The following MKS1 variants were observed in gnomAD, a reference collection of about 807,000 sequenced individuals.
MKS1 encodes the protein MKS transition zone complex subunit 1.
Under a neutral mutation model 83.7 loss-of-function variants are expected in MKS1, and 70 were observed. That is an observed-to-expected ratio of 0.84 (90% confidence interval 0.69 to 1.02). MKS1 has a LOEUF of 1.02. MKS1 is among the 50% of genes least tolerant of loss of function. MKS1 has a pLI of 0.00. For synonymous variants in MKS1, 251 were observed against 273.4 expected, an observed-to-expected ratio of 0.92 and a Z score of 0.81; for missense variants, 681 against 726.9, an observed-to-expected ratio of 0.94 and a Z score of 0.73.
chr17:58,215,831 C>A, intron 4 of MKS1: 1 of 485,186 alleles, frequency 2.1e-6, no homozygotes, highest in Non-Finnish European at 3.8e-6. Context: ...AGTATGCACT[C>A]TGCAAGCATA....
chr17:58,212,506 G>A, intron 8 of MKS1, 72 bp from the exon 9 acceptor site: 1 of 1,523,778 alleles, frequency 6.6e-7, no homozygotes, highest in Non-Finnish European at 9.1e-7. Flanking sequence ...TGAATGGGAA[G>A]AAGAAAAGCA....
Position 58,214,423 on chromosome 17 carries a change from C to T in MKS1, c.516-36G>A, listed in dbSNP as rs1166209149. Reference sequence around the variant, plus strand: ...CCACAGAAAGGTCACTTCCCTGGCACACCCCAATGGAGCACCCCAGTGGAG... The same window carrying T: ...CCACAGAAAGGTCACTTCCCTGGCATACCCCAATGGAGCACCCCAGTGGAG... On this transcript the variant is annotated intron_variant, in intron 5 of 17. Coordinates refer to ENST00000393119, the MANE Select transcript of MKS1 (RefSeq NM_017777.4). 5 of 1,612,116 alleles carry T rather than the reference C, an allele frequency of 3.1e-6. No individual in the cohort carries two copies. In the Admixed American group the frequency reaches 5.0e-5, roughly 16 times the overall value.
intron 15 of MKS1, 87 bp downstream of exon 15, chr17:58,206,997 CT>C (rs1288359238): frequency 6.4e-7 from 1 of 1,572,106 alleles, no homozygotes; most frequent in Non-Finnish European, 8.8e-7. Context: ...CAATGCACAA[CT>C]AAGGGGTCTT....
At chr17:58,212,490 C>A in intron 8 of MKS1, 56 bp from the exon 9 acceptor site, 2 of 1,578,564 alleles carry the variant, frequency 1.3e-6, no homozygotes, top group South Asian at 2.2e-5. Flanking sequence ...GACCAAAGTT[C>A]AGTTCTGAAT....
chr17:58,208,201 G>A (rs1567796944), intron 12 of MKS1, 27 bp from the exon 13 acceptor site: 2 of 1,563,492 alleles, frequency 1.3e-6, no homozygotes, highest in Admixed American at 1.7e-5. Context: ...CATAGGGTGG[G>A]CAAGGCCTCC....
Position 58,216,543 on chromosome 17 carries a change from C to T in MKS1, c.261+123G>A, listed in dbSNP as rs568246105. The stretch of plus-strand genomic sequence containing the variant: ...TCCCTATGTTACAATGCCCTTTAAA[C>T]ACAACAGGGGAAAGTATAAACTGTT... On this transcript the variant is annotated intron_variant, in intron 3 of 17. Coordinates refer to ENST00000393119, the MANE Select transcript of MKS1 (RefSeq NM_017777.4). 1.4e-4 allele frequency: 159 copies of T among 1,150,854 alleles called. No homozygotes were observed. In the African/African-American group the frequency reaches 2.2e-3, roughly 16 times the overall value. The allele number at this position is 1,150,854 out of a possible 1,614,324, so 71.3% of individuals were successfully genotyped here.
intron 14 of MKS1, chr17:58,207,579 C>T (rs1968597826): frequency 1.8e-6 from 1 of 540,616 alleles, no homozygotes; most frequent in South Asian, 2.0e-5. Flanking sequence ...AAGACAGATG[C>T]TTTTATTCCA....
intron 1 of MKS1, 200 bp downstream of exon 1, chr17:58,218,950 CG>C: frequency 6.9e-6 from 6 of 873,526 alleles, no homozygotes; most frequent in Non-Finnish European, 1.1e-5. Flanking sequence ...GCAACAAAGA[CG>C]TGAATGGACT....
chr17:58,206,215 C>T (rs772441460), intron 17 of MKS1, 45 bp from the exon 18 acceptor site: 1 of 1,614,008 alleles, frequency 6.2e-7, no homozygotes, highest in East Asian at 2.2e-5. Flanking sequence ...TATGGTATTT[C>T]TCTCTGCACT....
chr17:58,214,903 AG>A (rs759234205), intron 4 of MKS1, 65 bp from the exon 5 acceptor site: 1 of 1,545,958 alleles, frequency 6.5e-7, no homozygotes, highest in South Asian at 1.2e-5. Flanking sequence ...AAGTACCTGA[AG>A]GGAAGTCTTC....
chr17:58,214,727 A>C lies in MKS1; in HGVS notation c.515+14T>G. ...AAAGTAAAAGCTTGTCCCCCATCCC[A>C]TGCCCGCACTCACATCCCTCGCCTG... On this transcript the variant is annotated intron_variant, in intron 5 of 17. Coordinates refer to ENST00000393119, the MANE Select transcript of MKS1 (RefSeq NM_017777.4). The C allele has an allele frequency of 6.2e-7, 1 of 1,603,026 alleles. No individual in the cohort carries two copies. The highest frequency in any genetic ancestry group is 8.5e-7 in the Non-Finnish European group (1 of 1,178,932).
chr17:58,213,136 A>T, intron 7 of MKS1, 46 bp from the exon 8 acceptor site: 1 of 1,578,260 alleles, frequency 6.3e-7, no homozygotes. Context: ...ATAATGAGAG[A>T]TGGGCCCTGG....
At chr17:58,213,724 A>C in intron 7 of MKS1, 41 bp downstream of exon 7, 1 of 1,475,120 alleles carries the variant, frequency 6.8e-7, no homozygotes, top group Non-Finnish European at 9.5e-7. Flanking sequence ...AACCAAGGGA[A>C]GGAATGCCAG....
chr17:58,210,521 T>G (rs756352172), intron 11 of MKS1, 138 bp downstream of exon 11: 44 of 891,160 alleles, frequency 4.9e-5, no homozygotes, highest in Non-Finnish European at 7.7e-5. Context: ...TCCACTGGGT[T>G]TGGTAAAGTG....
Position 58,207,148 on chromosome 17 carries a change from A to G in MKS1, c.1344T>C (p.Phe448=). 2 of 1,614,096 alleles carry G rather than the reference A, an allele frequency of 1.2e-6. No individual in the cohort carries two copies. Among genetic ancestry groups the G allele is most frequent in the Non-Finnish European group, 1.7e-6 (2 of 1,180,002 alleles). ...ELGTVAELRR[F]FIGGSLELED... The stretch of plus-strand genomic sequence containing the variant: ...CCAGTTCCAGAGAACCGCCAATGAA[A>G]AACCTCCTCAGCTCAGCCACCGTGC... Residue 448 remains phenylalanine (F), a synonymous_variant, in exon 15 of 18, where the codon TTT becomes TTC. Transcript: ENST00000393119.
chr17:58,210,784 C>G (rs1968827523), intron 10 of MKS1, 60 bp from the exon 11 acceptor site: 2 of 1,558,290 alleles, frequency 1.3e-6, no homozygotes, highest in Non-Finnish European at 1.8e-6. Flanking sequence ...AGCACCCAAC[C>G]CAATCCTGAG....
intron 1 of MKS1, 50 bp from the exon 2 acceptor site, chr17:58,218,779 T>G (rs373264037): frequency 9.4e-5 from 139 of 1,478,900 alleles, no homozygotes; most frequent in Non-Finnish European, 1.3e-4. Flanking sequence ...AACCAGGAGA[T>G]GAACACAAAG....
chr17:58,210,061 C>T (rs1481702189), intron 11 of MKS1, among the ~76,000 whole-genome samples: 1 of 152,096 alleles, frequency 6.6e-6, no homozygotes, highest in South Asian at 2.1e-4. Flanking sequence ...ATCAACAACT[C>T]AGTAGATGAC....
At chr17:58,218,950 C>T (rs1969424730) in intron 1 of MKS1, 7 of 873,526 alleles carry the variant, frequency 8.0e-6, no homozygotes. Flanking sequence ...GCAACAAAGA[C>T]GTGAATGGAC....
Sources: gnomAD v4.1 joint callset for allele counts (sites outside exome capture counted in the v4.1 genomes callset) on GRCh38, gnomAD v4.1.1 for gene constraint, MANE v1.5 for transcripts, NCBI Gene and HGNC (gene_info 2026-07-23, HGNC 2026-07-21) for gene names.